Variants in SNX9 observed in about 807,000 individuals in gnomAD.
SNX9 encodes sorting nexin-9.
In SNX9, 44 loss-of-function variants were observed where a neutral mutation model predicts 89.4. The ratio of observed to expected loss-of-function variants is 0.49; its 90% CI spans 0.39 to 0.63. The LOEUF (loss-of-function observed/expected upper bound fraction) is 0.63. Among genes scored for constraint, SNX9 ranks in the 30% least tolerant of loss-of-function variants. The probability of loss-of-function intolerance (pLI) is 0.00; values close to 1 mark genes in which losing one functional copy is unlikely to be tolerated. For missense variants in SNX9, 578 were observed against 736.1 expected (o/e 0.79, Z 2.49); for synonymous variants, 236 against 247.8 (o/e 0.95, Z 0.45).
Position 157,936,157 on chromosome 6 carries a change from C to G in SNX9, c.1443+117C>G, listed in dbSNP as rs76563883. The G allele has an allele frequency of 5.5e-4, 382 of 696,526 alleles. 2 individuals carry two copies. In the Admixed American group the frequency reaches 8.2e-3, roughly 15 times the overall value. The allele number at this position is 696,526 out of a possible 1,614,324, so 43.1% of individuals were successfully genotyped here. ...ATAAGTACCCTCTTCTTTTCTGTTT[C>G]TGTGTATCTTTTTTAATTGTGTTTA... is the stretch of plus-strand genomic sequence containing the variant. On this transcript the variant is annotated intron_variant, in intron 14 of 17. Transcript: ENST00000392185.
chr6:157,858,772 T>A (rs1463805481), intron 1 of SNX9, among the ~76,000 whole-genome samples: 1 of 152,138 alleles, frequency 6.6e-6, no homozygotes, highest in Non-Finnish European at 1.5e-5. Context: ...CAAAGGGACA[T>A]CTTACATGGC....
At chr6:157,859,861 C>G (rs2115128424) in intron 1 of SNX9, among the ~76,000 whole-genome samples, 1 of 152,228 alleles carries the variant, frequency 6.6e-6, no homozygotes, top group East Asian at 1.9e-4. Flanking sequence ...AATACTCTTT[C>G]CTTTATGACT....
intron 4 of SNX9, among the ~76,000 whole-genome samples, chr6:157,878,431 ATT>A (rs1341249074): frequency 4.6e-5 from 6 of 131,308 alleles, no homozygotes; most frequent in African/African-American, 2.8e-5. Context: ...GAAGCCCACC[ATT>A]TTTTTTTTTT....
intron 1 of SNX9, among the ~76,000 whole-genome samples, chr6:157,855,488 GGATA>G (rs1781991922): frequency 2.6e-5 from 4 of 152,182 alleles, no homozygotes; most frequent in Admixed American, 2.6e-4. Flanking sequence ...CGCGATGTAA[GGATA>G]CCTGTTTCCC....
chr6:157,867,472 G>C, intron 1 of SNX9, 75 bp from the exon 2 acceptor site: 5 of 1,207,182 alleles, frequency 4.1e-6, no homozygotes, highest in Non-Finnish European at 6.1e-6. Flanking sequence ...CTTAGAAAGT[G>C]AACTGTACAC....
intron 1 of SNX9, among the ~76,000 whole-genome samples, chr6:157,862,399 A>G (rs1032371942): frequency 6.6e-6 from 1 of 152,216 alleles, no homozygotes; most frequent in African/African-American, 2.4e-5. Context: ...TAAAGAGGTA[A>G]ACTAGTTATA....
Position 157,927,967 on chromosome 6 carries a change from A to G in SNX9, c.1185-632A>G, listed in dbSNP as rs186688726. ...CACACACACACATAACCCTTCAACC[A>G]CGCAGAGAGAAAATCAGTGTTAATA... On this transcript the variant is annotated intron_variant, in intron 11 of 17. Transcript: ENST00000392185. Among the ~76,000 whole-genome samples the G allele has an allele frequency of 1.1e-4, 16 of 151,912 alleles. No individual in the cohort carries two copies. The East Asian group carries it at 3.1e-3, about 29-fold the overall frequency.
At chr6:157,915,638 A>ATAT (rs1341603130) in intron 9 of SNX9, among the ~76,000 whole-genome samples, 6 of 77,376 alleles carry the variant, frequency 7.8e-5, no homozygotes, top group African/African-American at 2.2e-4. Context: ...AAAAAAAAAA[A>ATAT]AAATATATAT....
At chr6:157,857,943 C>T (rs985377403) in intron 1 of SNX9, among the ~76,000 whole-genome samples, 5 of 152,118 alleles carry the variant, frequency 3.3e-5, no homozygotes, top group Admixed American at 2.0e-4. Context: ...ACTGACAATG[C>T]GTGGTTCTTG....
intron 1 of SNX9, among the ~76,000 whole-genome samples, chr6:157,849,607 C>T (rs1583198386): frequency 6.6e-6 from 1 of 152,326 alleles, no homozygotes; most frequent in East Asian, 1.9e-4. Flanking sequence ...GACTGTGGAA[C>T]TCACACATGG....
chr6:157,853,878 A>G (rs1781959598), intron 1 of SNX9, among the ~76,000 whole-genome samples: 1 of 151,782 alleles, frequency 6.6e-6, no homozygotes. Context: ...TATTTTTATT[A>G]CTTCATTTCT....
intron 17 of SNX9, among the ~76,000 whole-genome samples, chr6:157,941,833 A>T (rs1784042366): frequency 6.6e-6 from 1 of 152,202 alleles, no homozygotes; most frequent in Non-Finnish European, 1.5e-5. Context: ...TTGGTTTGGG[A>T]GACTAACTTA....
In SNX9 at chr6:157,824,921, C is replaced by G. The variant is rs140040840; in HGVS notation, c.12+1475C>G. On this transcript the variant is annotated intron_variant, in intron 1 of 17. Transcript: ENST00000392185. ...ATTCCAGAAATTACCAGTTACACAT[C>G]CTAGTACATGCTCATCTTGCAACCT... 3.7e-3 allele frequency among the ~76,000 whole-genome samples: 571 copies of G among 152,268 alleles called. 2 individuals carry two copies. The highest frequency in any genetic ancestry group is 0.013 in the African/African-American group (543 of 41,550).
At chr6:157,904,339 C>T (rs1424915759) in intron 6 of SNX9, among the ~76,000 whole-genome samples, 1 of 152,026 alleles carries the variant, frequency 6.6e-6, no homozygotes, top group Non-Finnish European at 1.5e-5. Flanking sequence ...AAGGCTCAGG[C>T]AGGAGAATCG....
chr6:157,938,733 C>A lies in SNX9; in HGVS notation c.1634C>A (p.Ser545Tyr). 1 of 1,613,514 alleles carries A rather than the reference C, an allele frequency of 6.2e-7. No homozygotes were observed. The highest frequency in any genetic ancestry group is 8.5e-7 in the Non-Finnish European group (1 of 1,179,626). ...QNMVKRVSIM[S>Y]YALQAEMNHF... Reference sequence around the variant, plus strand: ...ATGGTGAAGAGAGTCAGCATCATGTCTTACGCGTTGCAAGGTAAGATGAAA... The same window carrying A: ...ATGGTGAAGAGAGTCAGCATCATGTATTACGCGTTGCAAGGTAAGATGAAA... Residue 545 changes from serine to tyrosine, a missense_variant, in exon 16 of 18, where the codon TCT becomes TAT. This residue lies in a region of SNX9 where 348 missense variants were observed against 491.4 expected (regional missense o/e 0.71). Coordinates refer to ENST00000392185, the MANE Select transcript of SNX9 (RefSeq NM_016224.5).
At chr6:157,835,912 A>C (rs1413254415) in intron 1 of SNX9, among the ~76,000 whole-genome samples, 2 of 152,058 alleles carry the variant, frequency 1.3e-5, no homozygotes, top group African/African-American at 2.4e-5. Flanking sequence ...ACAGGCATAC[A>C]CCACCATGCC....
Position 157,942,988 on chromosome 6 carries a change from A to C in SNX9, c.*150A>C. 1.5e-6 allele frequency: 1 copy of C among 656,018 alleles called. No homozygotes were observed. Among genetic ancestry groups the C allele is most frequent in the Non-Finnish European group, 2.5e-6 (1 of 400,000 alleles). The allele number at this position is 656,018 out of a possible 1,614,324, so 40.6% of individuals were successfully genotyped here. On this transcript the variant is annotated 3_prime_UTR_variant, in exon 18 of 18. Transcript: ENST00000392185. ...AAAAACTGCATTTATTTTATTAGCC[A>C]CCCTAAATGCGTCAGTTATTTAGGG... is the stretch of plus-strand genomic sequence containing the variant.
At chr6:157,915,822 C>CAAAAAAAAAAAA (rs570701086) in intron 9 of SNX9, among the ~76,000 whole-genome samples, 15 of 89,366 alleles carry the variant, frequency 1.7e-4, no homozygotes, top group African/African-American at 3.6e-4. Context: ...TAGACTCTGT[C>CAAAAAAAAAAAA]AAAAAAAAAA....
intron 7 of SNX9, 109 bp from the exon 8 acceptor site, chr6:157,909,556 C>A: frequency 8.0e-7 from 1 of 1,245,664 alleles, no homozygotes; most frequent in Non-Finnish European, 1.1e-6. Flanking sequence ...ACAAGAATGA[C>A]CCTCCAAAGG....
Sources: gnomAD v4.1 joint callset for allele counts (sites outside exome capture counted in the v4.1 genomes callset) on GRCh38, gnomAD v4.1.1 for gene constraint, gnomAD v4.1.1 regional missense constraint, MANE v1.5 for transcripts, NCBI Gene and HGNC (gene_info 2026-07-23, HGNC 2026-07-21) for gene names.